The following MRPL1 variants were observed in gnomAD, a reference collection of about 807,000 sequenced individuals.
MRPL1 encodes mitochondrial ribosomal protein L1, also known as large ribosomal subunit protein uL1m.
MRPL1 carries 28 observed loss-of-function variants against 38.0 expected under a neutral mutation model. That is an observed-to-expected ratio of 0.74 (90% confidence interval 0.55 to 1.01). The LOEUF (loss-of-function observed/expected upper bound fraction) is 1.01, where lower values mean the gene tolerates loss of function less well. MRPL1 is among the 50% of genes least tolerant of loss of function. The pLI is 0.00. For synonymous variants in MRPL1, 123 were observed against 126.7 expected (o/e 0.97, Z 0.20); for missense variants, 358 against 389.8 (o/e 0.92, Z 0.69).
intron 2 of MRPL1, among the ~76,000 whole-genome samples, chr4:77,872,478 TC>T (rs1328687979): frequency 6.6e-6 from 1 of 152,124 alleles, no homozygotes. Flanking sequence ...ACATCTATAA[TC>T]CCAGCACTTT....
At chr4:77,867,222 A>G (rs1735166927) in intron 1 of MRPL1, among the ~76,000 whole-genome samples, 1 of 152,146 alleles carries the variant, frequency 6.6e-6, no homozygotes, top group Non-Finnish European at 1.5e-5. Context: ...TTTATGTTTT[A>G]TTCACTGATG....
intron 2 of MRPL1, among the ~76,000 whole-genome samples, chr4:77,876,574 TGA>T (rs1439085412): frequency 2.0e-5 from 3 of 152,204 alleles, no homozygotes; most frequent in South Asian, 2.1e-4. Flanking sequence ...TGTCTGACAA[TGA>T]GAGTTACTTA....
At chr4:77,929,490 A>C (rs1467718274) in intron 7 of MRPL1, among the ~76,000 whole-genome samples, 1 of 152,166 alleles carries the variant, frequency 6.6e-6, no homozygotes, top group Non-Finnish European at 1.5e-5. Context: ...TGAATTATTA[A>C]ATATAAATAC....
chr4:77,873,051 A>T (rs1460059513), intron 2 of MRPL1, among the ~76,000 whole-genome samples: 2 of 152,114 alleles, frequency 1.3e-5, no homozygotes, highest in Non-Finnish European at 2.9e-5. Context: ...ATAAGATAAG[A>T]TATATGTAAA....
At chr4:77,942,629 G>A (rs1031694117) in intron 7 of MRPL1, among the ~76,000 whole-genome samples, 1 of 152,008 alleles carries the variant, frequency 6.6e-6, no homozygotes, top group African/African-American at 2.4e-5. Context: ...AAAATATAAT[G>A]TCTTTGTCTT....
intron 7 of MRPL1, among the ~76,000 whole-genome samples, chr4:77,922,934 G>A (rs1004702589): frequency 4.6e-5 from 7 of 152,058 alleles, no homozygotes; most frequent in African/African-American, 1.7e-4. Flanking sequence ...GCTGGGATAG[G>A]GATCAAATTT....
chr4:77,909,988 T>C (rs11729703), intron 7 of MRPL1, among the ~76,000 whole-genome samples: 21,665 of 152,202 alleles, frequency 0.14, 1,766 homozygotes, highest in South Asian at 0.2. Context: ...ATCCAACATA[T>C]GTAATTTTTT....
chr4:77,903,301 A>G (rs1356154154), intron 6 of MRPL1, among the ~76,000 whole-genome samples: 1 of 152,214 alleles, frequency 6.6e-6, no homozygotes, highest in Non-Finnish European at 1.5e-5. Context: ...TGGCAATAAT[A>G]ACTCTCAGAA....
chr4:77,907,515 C>G (rs1688364668), intron 6 of MRPL1, among the ~76,000 whole-genome samples: 1 of 139,564 alleles, frequency 7.2e-6, no homozygotes, highest in South Asian at 2.4e-4. Flanking sequence ...TCTCTCTCCC[C>G]CTTCCTCCTT....
At chr4:77,918,948 C>T (rs985440008) in intron 7 of MRPL1, among the ~76,000 whole-genome samples, 1 of 152,070 alleles carries the variant, frequency 6.6e-6, no homozygotes. Context: ...CTTTTGTCTA[C>T]AAAATTTAAC....
chr4:77,932,147 C>T (rs549818471), intron 7 of MRPL1, among the ~76,000 whole-genome samples: 4 of 152,340 alleles, frequency 2.6e-5, no homozygotes, highest in South Asian at 4.1e-4. Flanking sequence ...TCTGCCACTT[C>T]TGGGAGCAAC....
intron 7 of MRPL1, among the ~76,000 whole-genome samples, chr4:77,941,163 G>A (rs1369928790): frequency 2.0e-5 from 3 of 152,020 alleles, no homozygotes; most frequent in African/African-American, 7.2e-5. Context: ...TACTTGGGAG[G>A]TTGAGGCAGG....
At chr4:77,950,494 A>T (rs181329940) in intron 8 of MRPL1, among the ~76,000 whole-genome samples, 24 of 152,322 alleles carry the variant, frequency 1.6e-4, no homozygotes, top group Admixed American at 2.6e-4. Flanking sequence ...GAAGCCAAGC[A>T]AGGGTCCATT....
intron 6 of MRPL1, 75 bp from the exon 7 acceptor site, chr4:77,909,189 GAT>G: frequency 1.1e-6 from 1 of 869,864 alleles, no homozygotes. Context: ...CTTTACATGA[GAT>G]ATGTGTTTCT....
rs1288049040 is a variant in MRPL1 at position 77,883,385 on chromosome 4, T to G, written c.287T>G (p.Ile96Arg). Residue 96 changes from isoleucine (I) to arginine (R), a missense_variant, in exon 3 of 9, where the codon ATA (isoleucine) becomes AGA (arginine). Transcript: ENST00000315567. Reference protein sequence around the residue: ...VYLKRLYPRQIYEVEKAVHLL... With the variant: ...VYLKRLYPRQRYEVEKAVHLL... ...TTAAAACGCTTATACCCGAGACAGA[T>G]ATATGAGGTGGAGAAAGCTGTTCAC... The G allele has an allele frequency of 1.9e-6, 3 of 1,613,800 alleles. No individual in the cohort carries two copies. In the Admixed American group the frequency reaches 5.0e-5, roughly 27 times the overall value.
At chr4:77,865,920 G>A (rs183741213) in intron 1 of MRPL1, among the ~76,000 whole-genome samples, 1 of 152,176 alleles carries the variant, frequency 6.6e-6, no homozygotes, top group Admixed American at 6.5e-5. Context: ...TAAATCCAAA[G>A]CCCTTAGAAT....
chr4:77,903,318 A>T (rs906561180), intron 6 of MRPL1, among the ~76,000 whole-genome samples: 1 of 152,202 alleles, frequency 6.6e-6, no homozygotes, highest in Admixed American at 6.5e-5. Flanking sequence ...AGAATACTGG[A>T]AATGTAAGTG....
At chr4:77,926,746 C>G (rs916079405) in intron 7 of MRPL1, among the ~76,000 whole-genome samples, 3 of 151,608 alleles carry the variant, frequency 2.0e-5, no homozygotes, top group Non-Finnish European at 2.9e-5. Context: ...TTAGCTGGGA[C>G]CACAGGCGCA....
At chr4:77,921,683 A>G (rs1031672431) in intron 7 of MRPL1, among the ~76,000 whole-genome samples, 1 of 152,218 alleles carries the variant, frequency 6.6e-6, no homozygotes, top group Non-Finnish European at 1.5e-5. Flanking sequence ...ATAGAATTAC[A>G]TATTTTACTG....
Sources: allele counts gnomAD v4.1 joint callset (sites outside exome capture counted in the v4.1 genomes callset), GRCh38; gene constraint gnomAD v4.1.1; transcripts MANE v1.5; gene names NCBI Gene and HGNC (gene_info 2026-07-23, HGNC 2026-07-21).